The following RBMS3 variants were observed in gnomAD, a reference collection of about 807,000 sequenced individuals.
RBMS3 encodes the protein RNA-binding motif, single-stranded-interacting protein 3.
RBMS3 carries 27 observed loss-of-function variants against 66.8 expected under a neutral mutation model. The ratio of observed to expected loss-of-function variants is 0.40; its 90% confidence interval spans 0.30 to 0.56. The LOEUF is 0.56. RBMS3 is among the 20% of genes least tolerant of loss of function. The pLI is 0.40. For synonymous variants in RBMS3, 188 were observed against 183.0 expected (o/e 1.03, Z -0.22); for missense variants, 513 against 549.5 (o/e 0.93, Z 0.66).
chr3:29,297,691 C>T (rs2125439229), intron 1 of RBMS3, among the ~76,000 whole-genome samples: 1 of 151,954 alleles, frequency 6.6e-6, no homozygotes, highest in Middle Eastern at 3.4e-3. Flanking sequence ...CTGGTTCTTA[C>T]ATTGCTATAT....
At chr3:29,634,271 T>C (rs532279935) in intron 4 of RBMS3, among the ~76,000 whole-genome samples, 113 of 152,052 alleles carry the variant, frequency 7.4e-4, no homozygotes, top group African/African-American at 2.6e-3. Flanking sequence ...AAACATACTA[T>C]GTGCAATTGT....
At chr3:29,662,597 A>G (rs1440172892) in intron 4 of RBMS3, among the ~76,000 whole-genome samples, 1 of 152,180 alleles carries the variant, frequency 6.6e-6, no homozygotes, top group African/African-American at 2.4e-5. Context: ...GAAAACTGGG[A>G]TTGAAAGTAA....
chr3:29,891,637 A>G (rs1415008634), intron 8 of RBMS3, among the ~76,000 whole-genome samples: 2 of 151,332 alleles, frequency 1.3e-5, no homozygotes, highest in African/African-American at 4.8e-5. Flanking sequence ...TTTCATTGGG[A>G]GTTGCTGTAT....
intron 4 of RBMS3, among the ~76,000 whole-genome samples, chr3:29,706,631 C>A (rs2149299559): frequency 6.6e-6 from 1 of 152,272 alleles, no homozygotes; most frequent in Non-Finnish European, 1.5e-5. Flanking sequence ...TCAGGGAGAA[C>A]AACGAATGAC....
chr3:29,581,236 T>G (rs2047318978), intron 3 of RBMS3, among the ~76,000 whole-genome samples: 1 of 152,100 alleles, frequency 6.6e-6, no homozygotes, highest in Non-Finnish European at 1.5e-5. Context: ...AATGAGTAGG[T>G]TTTCTTGTTG....
intron 1 of RBMS3, among the ~76,000 whole-genome samples, chr3:29,389,656 C>T (rs912843664): frequency 1.7e-4 from 26 of 152,110 alleles, no homozygotes; most frequent in Non-Finnish European, 2.8e-4. Context: ...AAAGTATATT[C>T]GTTGTTTCTG....
chr3:29,814,949 G>C (rs530644514), intron 6 of RBMS3, among the ~76,000 whole-genome samples: 42 of 152,238 alleles, frequency 2.8e-4, no homozygotes, highest in African/African-American at 9.6e-4. Context: ...TACAGAATGA[G>C]TGTTTCCTTG....
chr3:29,869,066 G>A, intron 7 of RBMS3, 102 bp downstream of exon 7: 1 of 912,598 alleles, frequency 1.1e-6, no homozygotes, highest in Non-Finnish European at 1.6e-6. Flanking sequence ...TGGGTCCCAT[G>A]GAACACCCAA....
intron 9 of RBMS3, among the ~76,000 whole-genome samples, chr3:29,899,221 T>C (rs936187029): frequency 3.3e-5 from 5 of 151,708 alleles, no homozygotes; most frequent in African/African-American, 1.2e-4. Context: ...GCCCCAAATT[T>C]TTGGTTTATC....
chr3:29,315,020 C>T (rs908276650), intron 1 of RBMS3, among the ~76,000 whole-genome samples: 1 of 151,726 alleles, frequency 6.6e-6, no homozygotes, highest in Admixed American at 6.6e-5. Flanking sequence ...GAGCCTGAAG[C>T]TTTTATGCCT....
chr3:29,401,472 T>G (rs1270937610), intron 1 of RBMS3, among the ~76,000 whole-genome samples: 2 of 152,084 alleles, frequency 1.3e-5, no homozygotes, highest in Admixed American at 1.3e-4. Flanking sequence ...TACCTCTTCA[T>G]CATGAGAAGA....
intron 4 of RBMS3, among the ~76,000 whole-genome samples, chr3:29,710,795 C>T (rs981411776): frequency 1.1e-4 from 17 of 152,186 alleles, no homozygotes; most frequent in Non-Finnish European, 2.4e-4. Flanking sequence ...AGTTATCAGG[C>T]TGCTCTTTGC....
intron 3 of RBMS3, among the ~76,000 whole-genome samples, chr3:29,543,993 A>G (rs958688587): frequency 6.6e-6 from 1 of 152,162 alleles, no homozygotes; most frequent in Non-Finnish European, 1.5e-5. Context: ...GATATTTAAT[A>G]GTTTATTTTT....
At chr3:30,003,817 T>TTTAA (rs1699718978) in intron 14 of RBMS3, 39 bp from the exon 15 acceptor site, 1 of 1,372,658 alleles carries the variant, frequency 7.3e-7, no homozygotes, top group Non-Finnish European at 9.6e-7. Context: ...TCAAAGTTAC[T>TTTAA]TTAATTTAAT....
intron 7 of RBMS3, among the ~76,000 whole-genome samples, chr3:29,873,849 T>G (rs999856448): frequency 2.6e-5 from 4 of 152,206 alleles, no homozygotes; most frequent in African/African-American, 7.2e-5. Context: ...GATAATCAAG[T>G]GTTTTTTGTC....
At chr3:29,997,918 G>A (rs1338246824) in intron 14 of RBMS3, among the ~76,000 whole-genome samples, 1 of 152,156 alleles carries the variant, frequency 6.6e-6, no homozygotes, top group Non-Finnish European at 1.5e-5. Flanking sequence ...GTTCTGGCCA[G>A]GGCAATCAGC....
chr3:29,338,564 T>A lies in RBMS3; in HGVS notation c.75+56808T>A, dbSNP rs142598436. On this transcript the variant is annotated intron_variant, in intron 1 of 14. Coordinates refer to ENST00000383767, the MANE Select transcript of RBMS3 (RefSeq NM_001003793.3). ...TGAATCAGAAACACAGTGGGTGGAG[T>A]CCAGCAATCTGTATGTGAAAAGCTC... 3.0e-3 allele frequency among the ~76,000 whole-genome samples: 449 copies of A among 152,074 alleles called. 3 individuals carry two copies. The highest frequency in any genetic ancestry group is 0.01 in the African/African-American group (417 of 41,474).
At chr3:29,992,381 T>C (rs1226826201) in intron 14 of RBMS3, among the ~76,000 whole-genome samples, 1 of 152,042 alleles carries the variant, frequency 6.6e-6, no homozygotes, top group African/African-American at 2.4e-5. Flanking sequence ...GGTCAGGAGA[T>C]AGAGACCATC....
intron 1 of RBMS3, among the ~76,000 whole-genome samples, chr3:29,357,826 T>A (rs966064549): frequency 1.3e-5 from 2 of 152,374 alleles, no homozygotes; most frequent in African/African-American, 2.4e-5. Context: ...TTCATGTGTC[T>A]GTTGGCTGCA....
Sources: allele counts gnomAD v4.1 joint callset (sites outside exome capture counted in the v4.1 genomes callset), GRCh38; gene constraint gnomAD v4.1.1; transcripts MANE v1.5; gene names NCBI Gene and HGNC (gene_info 2026-07-23, HGNC 2026-07-21).